The following RAB10 variants were observed in gnomAD, a reference collection of about 807,000 sequenced individuals.
RAB10 encodes RAB10, member RAS oncogene family.
A neutral mutation model predicts 25.7 loss-of-function variants in RAB10; 5 were observed. The ratio of observed to expected loss-of-function variants is 0.19; its 90% CI spans 0.10 to 0.41. The LOEUF is 0.41. Ranked by LOEUF, RAB10 falls within the 10% of genes least tolerant of loss-of-function variation. The pLI, the probability that RAB10 is intolerant of heterozygous loss-of-function variation, is 1.00. For missense variants in RAB10, 103 were observed against 245.8 expected (o/e 0.42, Z 3.89); for synonymous variants, 89 against 86.4 (o/e 1.03, Z -0.16).
intron 1 of RAB10, among the ~76,000 whole-genome samples, chr2:26,096,034 A>G (rs1667203564): frequency 1.3e-5 from 2 of 152,222 alleles, no homozygotes; most frequent in Admixed American, 1.3e-4. Flanking sequence ...TTTCTGGTGT[A>G]CAGCAATTTC....
chr2:26,074,415 A>AT (rs1480593763), intron 1 of RAB10, among the ~76,000 whole-genome samples: 4 of 152,012 alleles, frequency 2.6e-5, no homozygotes, highest in Non-Finnish European at 4.4e-5. Context: ...TATTTTTTTA[A>AT]TTTTAATATT....
chr2:26,050,066 C>T (rs1271014027), intron 1 of RAB10, among the ~76,000 whole-genome samples: 1 of 152,140 alleles, frequency 6.6e-6, no homozygotes, highest in African/African-American at 2.4e-5. Flanking sequence ...TCCTAAGGGT[C>T]TCTCCTGTAT....
At chr2:26,055,470 C>T (rs139459636) in intron 1 of RAB10, among the ~76,000 whole-genome samples, 4,560 of 151,828 alleles carry the variant, frequency 0.03, 89 homozygotes, top group Non-Finnish European at 0.047. Flanking sequence ...TCACTGCAAC[C>T]TCTGCCTCCC....
intron 1 of RAB10, among the ~76,000 whole-genome samples, chr2:26,090,934 C>CA (rs1022981616): frequency 1.5e-5 from 1 of 67,298 alleles, no homozygotes; most frequent in African/African-American, 5.4e-5. Flanking sequence ...ACCCTGTCTC[C>CA]CCCCCCAAAA....
intron 1 of RAB10, among the ~76,000 whole-genome samples, chr2:26,054,702 A>C (rs1213614630): frequency 6.6e-6 from 1 of 152,182 alleles, no homozygotes; most frequent in East Asian, 1.9e-4. Flanking sequence ...AAGTTAGAAC[A>C]CTCATTACGA....
chr2:26,097,065 A>T (rs1419491850), intron 1 of RAB10, among the ~76,000 whole-genome samples: 1 of 152,028 alleles, frequency 6.6e-6, no homozygotes, highest in African/African-American at 2.4e-5. Flanking sequence ...AAAGATACAA[A>T]ACTTAGCTAG....
chr2:26,037,561 C>G (rs1011326232), intron 1 of RAB10, among the ~76,000 whole-genome samples: 2 of 152,000 alleles, frequency 1.3e-5, no homozygotes, highest in Admixed American at 1.3e-4. Flanking sequence ...ATCGCTTGAA[C>G]CCGGGAGACA....
At chr2:26,120,308 A>G (rs1574561331) in intron 3 of RAB10, among the ~76,000 whole-genome samples, 4 of 152,154 alleles carry the variant, frequency 2.6e-5, no homozygotes, top group Non-Finnish European at 5.9e-5. Context: ...CTTCTTTGGG[A>G]TCATGGACCC....
intron 3 of RAB10, among the ~76,000 whole-genome samples, chr2:26,122,552 C>T (rs181267216): frequency 9.1e-4 from 137 of 150,244 alleles, no homozygotes; most frequent in African/African-American, 3.1e-3. Flanking sequence ...GGTGTGAACC[C>T]GGGAGGCAGA....
chr2:26,041,178 T>G (rs1327454894), intron 1 of RAB10, among the ~76,000 whole-genome samples: 1 of 152,032 alleles, frequency 6.6e-6, no homozygotes, highest in African/African-American at 2.4e-5. Context: ...TGGGGGTAGT[T>G]TATGTAAAAT....
chr2:26,034,077 T>G (rs555024221), upstream of RAB10: 13 of 403,550 alleles, frequency 3.2e-5, no homozygotes, highest in African/African-American at 2.3e-4. Flanking sequence ...CGTACGCCCT[T>G]GCGTGCGTCT....
intron 2 of RAB10, among the ~76,000 whole-genome samples, chr2:26,100,879 A>C (rs1392527412): frequency 6.6e-6 from 1 of 151,062 alleles, no homozygotes; most frequent in Admixed American, 6.6e-5. Flanking sequence ...ACAGCCTGAC[A>C]CCTGCCCTGT....
intron 2 of RAB10, among the ~76,000 whole-genome samples, chr2:26,109,225 T>TA: frequency 6.6e-6 from 1 of 152,144 alleles, no homozygotes. Context: ...TTTGCTTTTT[T>TA]AAAAAAGATA....
chr2:26,039,372 G>A (rs936342453), intron 1 of RAB10, among the ~76,000 whole-genome samples: 9 of 151,692 alleles, frequency 5.9e-5, no homozygotes, highest in Admixed American at 2.0e-4. Flanking sequence ...TTGAGATGGA[G>A]TATCACTGTG....
intron 1 of RAB10, among the ~76,000 whole-genome samples, chr2:26,040,510 TAGC>T (rs1245312268): frequency 1.3e-5 from 2 of 151,846 alleles, no homozygotes; most frequent in Non-Finnish European, 2.9e-5. Flanking sequence ...AACAAAAAAT[TAGC>T]AGGACATGGT....
intron 3 of RAB10, among the ~76,000 whole-genome samples, chr2:26,117,330 G>T (rs1667710494): frequency 6.6e-6 from 1 of 151,876 alleles, no homozygotes; most frequent in African/African-American, 2.4e-5. Flanking sequence ...GAGTTGGGAA[G>T]GTCCGGGTGC....
At chr2:26,078,792 A>G (rs754764189) in intron 1 of RAB10, among the ~76,000 whole-genome samples, 3 of 152,190 alleles carry the variant, frequency 2.0e-5, no homozygotes, top group Non-Finnish European at 4.4e-5. Context: ...TAGAGGAGCA[A>G]AGATAGGAGC....
rs932690686 is a variant in RAB10 at position 26,098,731 on chromosome 2, T to C, written c.188+9T>C. 7 of 1,570,832 alleles carry C rather than the reference T, an allele frequency of 4.5e-6. No homozygotes were observed. The highest frequency in any genetic ancestry group is 4.4e-6 in the Non-Finnish European group (5 of 1,145,410). ...ATCAAGCTACAGATATGGTAAGTGATGCTAATTTACTTTATGTAGCAGAAT... is the reference window on the plus strand; with the variant it reads ...ATCAAGCTACAGATATGGTAAGTGACGCTAATTTACTTTATGTAGCAGAAT... On this transcript the variant is annotated intron_variant, in intron 2 of 5. Coordinates refer to ENST00000264710, the MANE Select transcript of RAB10 (RefSeq NM_016131.5).
At chr2:26,046,052 C>G (rs964284825) in intron 1 of RAB10, among the ~76,000 whole-genome samples, 34 of 152,110 alleles carry the variant, frequency 2.2e-4, no homozygotes, top group African/African-American at 8.0e-4. Flanking sequence ...AGGCCCGGTG[C>G]GGTGGCTCAC....
Sources: gnomAD v4.1 joint callset for allele counts (sites outside exome capture counted in the v4.1 genomes callset) on GRCh38, gnomAD v4.1.1 for gene constraint, MANE v1.5 for transcripts, NCBI Gene and HGNC (gene_info 2026-07-23, HGNC 2026-07-21) for gene names.